SUGP1: variants seen among roughly 807,000 people sequenced by gnomAD.
SUGP1 encodes SURP and G-patch domain-containing protein 1.
A neutral mutation model predicts 76.5 loss-of-function variants in SUGP1; 34 were observed. That is an observed-to-expected ratio of 0.44 (90% CI 0.34 to 0.59). The LOEUF (loss-of-function observed/expected upper bound fraction) is 0.59, where lower values mean the gene tolerates loss of function less well. Ranked by LOEUF, SUGP1 falls within the 20% of genes least tolerant of loss-of-function variation. The probability of loss-of-function intolerance (pLI) is 0.01; values close to 1 mark genes in which losing one functional copy is unlikely to be tolerated. For synonymous variants in SUGP1, 326 were observed against 326.2 expected, an observed-to-expected ratio of 1.00 and a Z score of 0.01; for missense variants, 752 against 851.7, an observed-to-expected ratio of 0.88 and a Z score of 1.46.
At chr19:19,297,400 A>ATTCTGGGCAGTAGCAGTTCTGGCC in intron 7 of SUGP1, 56 bp from the exon 8 acceptor site, 2 of 1,349,532 alleles carry the variant, frequency 1.5e-6, no homozygotes, top group Non-Finnish European at 1.0e-6. Flanking sequence ...CCTGTCCCTG[A>ATTCTGGGCAGTAGCAGTTCTGGCC]TTCTGGGCAG....
intron 8 of SUGP1, among the ~76,000 whole-genome samples, chr19:19,283,895 T>G (rs2061119798): frequency 6.6e-6 from 1 of 152,250 alleles, no homozygotes; most frequent in Admixed American, 6.5e-5. Context: ...GATTAAATCT[T>G]AACTGCATAA....
chr19:19,294,934 T>C (rs2061213746), intron 8 of SUGP1, among the ~76,000 whole-genome samples: 1 of 152,152 alleles, frequency 6.6e-6, no homozygotes, highest in Admixed American at 6.5e-5. Context: ...ATCACATAGC[T>C]GACGAGGGGG....
At chr19:19,298,978 G>T (rs1008850683) in intron 7 of SUGP1, among the ~76,000 whole-genome samples, 2 of 152,174 alleles carry the variant, frequency 1.3e-5, no homozygotes, top group South Asian at 2.1e-4. Flanking sequence ...ACCCCCATGA[G>T]GGGGAGAAAG....
chr19:19,278,017 G>T, intron 11 of SUGP1, 138 bp from the exon 12 acceptor site: 1 of 1,066,494 alleles, frequency 9.4e-7, no homozygotes, highest in Non-Finnish European at 1.3e-6. Flanking sequence ...CAGACTCCTT[G>T]AGAACAAACA....
chr19:19,314,254 C>T (rs961479943), intron 2 of SUGP1, among the ~76,000 whole-genome samples: 5 of 151,984 alleles, frequency 3.3e-5, no homozygotes, highest in Non-Finnish European at 5.9e-5. Flanking sequence ...ATCCAACAGG[C>T]GGAGGTTGTA....
intron 2 of SUGP1, among the ~76,000 whole-genome samples, chr19:19,314,795 G>A (rs2042507631): frequency 1.3e-5 from 2 of 151,982 alleles, no homozygotes; most frequent in South Asian, 4.2e-4. Context: ...AACACTCTGG[G>A]AGACTGAGAG....
At chr19:19,277,161 C>A in intron 12 of SUGP1, 85 bp from the exon 13 acceptor site, 1 of 1,487,460 alleles carries the variant, frequency 6.7e-7, no homozygotes, top group South Asian at 1.2e-5. Context: ...TCAACAGCAC[C>A]TCCCGCGGGT....
chr19:19,306,172 G>T, intron 3 of SUGP1, 96 bp from the exon 4 acceptor site: 6 of 1,239,916 alleles, frequency 4.8e-6, no homozygotes, highest in Non-Finnish European at 6.5e-6. Flanking sequence ...GGGGGAGCTG[G>T]GTCCTTGACT....
chr19:19,306,061 G>A lies in SUGP1; in HGVS notation c.326C>T (p.Ala109Val), dbSNP rs558513662. ...AQTSTDAPTSAPSAPPSTPTP... is the reference protein window; with the variant it reads ...AQTSTDAPTSVPSAPPSTPTP... Reference sequence around the variant, plus strand: ...GGGTGTGCTGGGAGGGGCGCTGGGCGCACTGGTCGGGGCGTCTGGTATAGA... The same window carrying A: ...GGGTGTGCTGGGAGGGGCGCTGGGCACACTGGTCGGGGCGTCTGGTATAGA... The change falls in exon 4 of 14, where the codon GCG (alanine) becomes GTG (valine). Residue 109 changes from alanine (A) to valine (V), a missense_variant. Around this residue, in one of 2 missense-constraint regions of SUGP1, gnomAD observed 620 missense variants for 617.3 expected, o/e 1.00. Coordinates refer to ENST00000247001, the MANE Select transcript of SUGP1 (RefSeq NM_172231.4). 4.2e-5 allele frequency: 68 copies of A among 1,602,418 alleles called. No homozygotes were observed. The highest frequency in any genetic ancestry group is 2.7e-4 in the Admixed American group (16 of 58,254).
chr19:19,277,913 G>A, intron 11 of SUGP1, 34 bp from the exon 12 acceptor site: 1 of 1,609,348 alleles, frequency 6.2e-7, no homozygotes. Flanking sequence ...CACCCACCAG[G>A]GCTGGGGCTG....
intron 3 of SUGP1, among the ~76,000 whole-genome samples, chr19:19,308,327 A>G (rs946959831): frequency 6.6e-6 from 1 of 152,136 alleles, no homozygotes; most frequent in Non-Finnish European, 1.5e-5. Context: ...AAGCCACCGC[A>G]CCCAGCCGAC....
At chr19:19,308,604 A>G (rs1196275181) in intron 3 of SUGP1, among the ~76,000 whole-genome samples, 1 of 152,228 alleles carries the variant, frequency 6.6e-6, no homozygotes, top group African/African-American at 2.4e-5. Context: ...CAGGCCCCAG[A>G]ACCTATTGTT....
At chr19:19,280,448 T>G in intron 8 of SUGP1, 157 bp from the exon 9 acceptor site, 1 of 668,766 alleles carries the variant, frequency 1.5e-6, no homozygotes, top group South Asian at 1.8e-5. Flanking sequence ...CGTGACGGCC[T>G]CGGGGTCCCG....
intron 8 of SUGP1, among the ~76,000 whole-genome samples, chr19:19,292,358 T>C (rs2061192238): frequency 6.6e-6 from 1 of 151,608 alleles, no homozygotes; most frequent in African/African-American, 2.4e-5. Context: ...AAACTTACTC[T>C]ATGGGGCTAG....
In SUGP1 at chr19:19,276,233, T is replaced by C. The variant is rs1304155976; in HGVS notation, c.*415A>G. Reference sequence around the variant, plus strand: ...TGCCCAGCTAATTTTATATTTTTAGTAGAGACAGGATTTCACCATGTTGGC... The same window carrying C: ...TGCCCAGCTAATTTTATATTTTTAGCAGAGACAGGATTTCACCATGTTGGC... On this transcript the variant is annotated 3_prime_UTR_variant, in exon 14 of 14. Coordinates refer to ENST00000247001, the MANE Select transcript of SUGP1 (RefSeq NM_172231.4). The C allele has an allele frequency of 5.6e-6, 1 of 177,106 alleles. No homozygotes were observed. Among genetic ancestry groups the C allele is most frequent in the Non-Finnish European group, 1.2e-5 (1 of 82,632 alleles). 11.0% of individuals were successfully genotyped at this position (177,106 alleles called of 1,614,324 possible). A position where few individuals can be genotyped will look rare whatever the true frequency, so the allele number is the denominator to read the frequency against.
chr19:19,282,884 T>C (rs952318104), intron 8 of SUGP1, among the ~76,000 whole-genome samples: 59 of 152,302 alleles, frequency 3.9e-4, no homozygotes, highest in Middle Eastern at 3.4e-3. Context: ...GAGACCATCC[T>C]GGCTAACACG....
chr19:19,276,547 C>T lies in SUGP1; in HGVS notation c.*101G>A, dbSNP rs2010506. ...AGCACTGGGACTTTATTACACGGCA[C>T]GGCACTCGTGACAACGGAAGGGGTG... On this transcript the variant is annotated 3_prime_UTR_variant, in exon 14 of 14. Transcript: ENST00000247001. 214,723 of 1,441,444 alleles carry T rather than the reference C, an allele frequency of 0.15. 16,995 individuals are homozygous for T. Among genetic ancestry groups the T allele is most frequent in the Middle Eastern group, 0.24 (1,142 of 4,748 alleles). The allele number at this position is 1,441,444 out of a possible 1,614,324, so 89.3% of individuals were successfully genotyped here.
chr19:19,276,349 C>T lies in SUGP1; in HGVS notation c.*299G>A. ...GACAGGGGTGAGACACTGCACCTGG[C>T]CTTCCAGCTTTACTATGCTGAAAAC... On this transcript the variant is annotated 3_prime_UTR_variant, in exon 14 of 14. Transcript: ENST00000247001. 1 of 351,598 alleles carries T rather than the reference C, an allele frequency of 2.8e-6. No homozygotes were observed. The highest frequency in any genetic ancestry group is 5.3e-6 in the Non-Finnish European group (1 of 188,018). 21.8% of individuals were successfully genotyped at this position (351,598 alleles called of 1,614,324 possible).
At chr19:19,286,482 A>G (rs1276495787) in intron 8 of SUGP1, among the ~76,000 whole-genome samples, 1 of 152,226 alleles carries the variant, frequency 6.6e-6, no homozygotes, top group Non-Finnish European at 1.5e-5. Flanking sequence ...GCATGACTTC[A>G]TGGGATTTAT....
Sources: allele counts gnomAD v4.1 joint callset (sites outside exome capture counted in the v4.1 genomes callset), GRCh38; gene constraint gnomAD v4.1.1; regional missense constraint gnomAD v4.1.1; transcripts MANE v1.5; gene names NCBI Gene and HGNC (gene_info 2026-07-23, HGNC 2026-07-21).